Variants in SOX30 observed in about 807,000 individuals in gnomAD.
SOX30 encodes the protein SRY-box transcription factor 30, also known as transcription factor SOX-30.
Under a neutral mutation model 58.6 loss-of-function variants are expected in SOX30, and 17 were observed. The observed-to-expected ratio is 0.29, with a 90% CI of 0.20 to 0.44. The LOEUF (loss-of-function observed/expected upper bound fraction) is 0.44. Among genes scored for constraint, SOX30 ranks in the 20% least tolerant of loss-of-function variants. The pLI is 1.00. For missense variants in SOX30, 951 were observed against 965.8 expected (o/e 0.98, Z 0.20); for synonymous variants, 421 against 400.2 (o/e 1.05, Z -0.62).
At chr5:157,648,935 TAC>T (rs3217237) in intron 1 of SOX30, 39 bp from the exon 2 acceptor site, 733,788 of 1,455,226 alleles carry the variant, frequency 0.5, 173,559 homozygotes, top group Middle Eastern at 0.65. Context: ...TAATGTGCCA[TAC>T]ACACACACAC....
In SOX30 at chr5:157,648,676, C is replaced by T. The variant is rs1028994486; in HGVS notation, c.1188G>A (p.Lys396=). The T allele has an allele frequency of 1.9e-6, 3 of 1,613,118 alleles. No individual in the cohort carries two copies. Among genetic ancestry groups the T allele is most frequent in the African/African-American group, 1.3e-5 (1 of 74,772 alleles). The change falls in exon 2 of 5, where the codon AAG becomes AAA. Residue 396 remains lysine, a synonymous_variant. Transcript: ENST00000265007. ...YYDEAQKIKE[K]HREEFPGWVY... ...GATTACCAGGAAATTCCTCTCTGTGCTTTTCCTTAATCTTTTGTGCTTCAT... is the reference window on the plus strand; with the variant it reads ...GATTACCAGGAAATTCCTCTCTGTGTTTTTCCTTAATCTTTTGTGCTTCAT...
upstream of SOX30, among the ~76,000 whole-genome samples, chr5:157,656,330 T>TA (rs1252274844): frequency 5.9e-5 from 9 of 152,234 alleles, no homozygotes; most frequent in Admixed American, 5.9e-4. Flanking sequence ...AGATTATTGG[T>TA]AAAATAAAAA....
chr5:157,664,571 C>T (rs1759635583), intron 2 of SOX30, among the ~76,000 whole-genome samples: 1 of 152,208 alleles, frequency 6.6e-6, no homozygotes, highest in African/African-American at 2.4e-5. Flanking sequence ...ACACCAAAAG[C>T]AATGGCAACA....
At position 157,669,956 on chromosome 5, in the gene SOX30, C is replaced by T. The variant is rs75883051; in HGVS notation, c.-4+1374G>A. ...CCTAGACTCAAATGCATCAGGCTCA[C>T]CCCAGGAAGGGCAGCTAGGGCTGCC... On this transcript the variant is annotated intron_variant, in intron 1 of 5. Transcript: ENST00000519442. Among the ~76,000 whole-genome samples the T allele has an allele frequency of 8.2e-3, 1,243 of 152,220 alleles. 13 individuals are homozygous for T. Among genetic ancestry groups the T allele is most frequent in the African/African-American group, 0.027 (1,133 of 41,500 alleles).
intron 4 of SOX30, among the ~76,000 whole-genome samples, chr5:157,630,285 TG>T (rs977913817): frequency 2.0e-5 from 3 of 152,214 alleles, no homozygotes; most frequent in African/African-American, 7.2e-5. Flanking sequence ...TTAAGTCCAA[TG>T]TCTCAGCTTC....
chr5:157,639,608 T>C (rs1479044845), intron 3 of SOX30, among the ~76,000 whole-genome samples: 3 of 152,232 alleles, frequency 2.0e-5, no homozygotes, highest in Admixed American at 2.0e-4. Context: ...TTTAGCTTTC[T>C]GTTCTGAAGA....
chr5:157,647,952 T>G (rs1759235218), intron 2 of SOX30, among the ~76,000 whole-genome samples: 1 of 152,142 alleles, frequency 6.6e-6, no homozygotes, highest in East Asian at 1.9e-4. Context: ...TCTTCCAAAG[T>G]CAGAACAGTG....
chr5:157,635,998 G>C (rs1758917258), intron 4 of SOX30, among the ~76,000 whole-genome samples: 1 of 152,158 alleles, frequency 6.6e-6, no homozygotes, highest in South Asian at 2.1e-4. Flanking sequence ...GTACAACCTT[G>C]ATGAGGCTAT....
At chr5:157,653,034 T>C (rs72813204), upstream of SOX30, among the ~76,000 whole-genome samples, 2 of 152,320 alleles carry the variant, frequency 1.3e-5, no homozygotes, top group East Asian at 1.9e-4. Flanking sequence ...TACTATTAGA[T>C]TGGTGCAAAA....
chr5:157,667,666 G>A, intron 2 of SOX30: 1 of 1,254,436 alleles, frequency 8.0e-7, no homozygotes, highest in Non-Finnish European at 1.1e-6. Context: ...TTGAACCCAG[G>A]TCGCAGAGGC....
rs1439291382 is a variant in SOX30, at chr5:157,638,377, G to A, written c.1733C>T (p.Ala578Val). The A allele has an allele frequency of 1.2e-6, 2 of 1,613,718 alleles. No homozygotes were observed. Among genetic ancestry groups the A allele is most frequent in the Non-Finnish European group, 1.7e-6 (2 of 1,179,870 alleles). Residue 578 changes from alanine (A) to valine (V), a missense_variant, in exon 4 of 5, where the codon GCT becomes GTT. Transcript: ENST00000265007. The stretch of plus-strand genomic sequence containing the variant: ...AATGGGAGAAGCCTGGGGGATTGGA[G>A]CACTTCTGGGACAAGGGGAAACGCT... ...YSSVSPCPRSAPIPQASPIPH... is the reference protein window; with the variant it reads ...YSSVSPCPRSVPIPQASPIPH...
intron 4 of SOX30, among the ~76,000 whole-genome samples, chr5:157,634,768 C>T (rs1483608260): frequency 1.3e-5 from 2 of 151,858 alleles, no homozygotes; most frequent in Non-Finnish European, 1.5e-5. Context: ...CTGCCTCAAG[C>T]TCCCGAATAG....
rs750727674 is a variant in SOX30, at chr5:157,638,479, T to C, written c.1631A>G (p.Asn544Ser). 18 of 1,614,182 alleles carry C rather than the reference T, an allele frequency of 1.1e-5. No homozygotes were observed. The highest frequency in any genetic ancestry group is 2.7e-5 in the African/African-American group (2 of 75,066). ...AGTACTTGCACTACTTGAAATCCTG[T>C]TGGCGCTCTCTAGAGAGACAGGAGT... ...QPTPVSLESA[N>S]RISSSASTAH... is the part of the protein sequence containing the mutation. Residue 544 changes from asparagine to serine, a missense_variant, in exon 4 of 5, where the codon AAC becomes AGC. Physicochemically the swap from Asn to Ser is conservative, Grantham distance 46. This residue lies in a region of SOX30 where 381 missense variants were observed against 390.0 expected (regional missense o/e 0.98). Coordinates refer to ENST00000265007, the MANE Select transcript of SOX30 (RefSeq NM_178424.2).
At chr5:157,668,208 G>A (rs925452675) in intron 1 of SOX30, among the ~76,000 whole-genome samples, 4 of 152,210 alleles carry the variant, frequency 2.6e-5, no homozygotes, top group Non-Finnish European at 4.4e-5. Context: ...TCCTACGGCT[G>A]TAGCTGTTGA....
At chr5:157,660,649 C>T (rs193076773) in intron 2 of SOX30, among the ~76,000 whole-genome samples, 1,820 of 151,866 alleles carry the variant, frequency 0.012, 21 homozygotes, top group South Asian at 0.052. Flanking sequence ...CATGAGTCAC[C>T]GTGCCAAGCT....
Position 157,652,232 on chromosome 5 carries a change from A to G in SOX30, c.-154T>C. The G allele has an allele frequency of 7.9e-7, 1 of 1,273,484 alleles. No individual in the cohort carries two copies. Among genetic ancestry groups the G allele is most frequent in the Middle Eastern group, 2.9e-4 (1 of 3,390 alleles). 78.9% of individuals were successfully genotyped at this position (1,273,484 alleles called of 1,614,324 possible). On this transcript the variant is annotated 5_prime_UTR_variant, in exon 1 of 5. Coordinates refer to ENST00000265007, the MANE Select transcript of SOX30 (RefSeq NM_178424.2). Reference sequence around the variant, plus strand: ...CTGTCTGTCTGGGCCTCACCCAATCACAACGACCGATACCCGTGGACGGCC... The same window carrying G: ...CTGTCTGTCTGGGCCTCACCCAATCGCAACGACCGATACCCGTGGACGGCC...
rs56702110 is a variant in SOX30, at chr5:157,648,951, CAA to C, written c.968-57_968-56del. ...AATGTGCCATACACACACACACACA[CAA>C]TTTTAAGGTAAAGTGCACCTCCGTC... is the stretch of plus-strand genomic sequence containing the variant. On this transcript the variant is annotated intron_variant, in intron 1 of 4. Coordinates refer to ENST00000265007, the MANE Select transcript of SOX30 (RefSeq NM_178424.2). 20,990 of 1,310,046 alleles carry C rather than the reference CAA, an allele frequency of 0.016. 2,369 individuals carry two copies. The African/African-American group carries it at 0.29, about 18-fold the overall frequency. 81.2% of individuals were successfully genotyped at this position (1,310,046 alleles called of 1,614,324 possible).
In SOX30 at chr5:157,658,856, G is replaced by C. The variant is rs560088442; in HGVS notation, c.52+8942C>G. Among the ~76,000 whole-genome samples the C allele has an allele frequency of 9.9e-5, 15 of 152,282 alleles. No homozygotes were observed. The South Asian group carries it at 1.2e-3, about 13-fold the overall frequency. Reference sequence around the variant, plus strand: ...TTCCCAGACAGTTAAGGCATTCTAAGTCACAGGATGAGATAGGAGGCTGGC... The same window carrying C: ...TTCCCAGACAGTTAAGGCATTCTAACTCACAGGATGAGATAGGAGGCTGGC... On this transcript the variant is annotated intron_variant, in intron 2 of 5. Transcript: ENST00000519442.
chr5:157,668,832 C>A (rs966359028), intron 1 of SOX30, among the ~76,000 whole-genome samples: 2 of 151,948 alleles, frequency 1.3e-5, no homozygotes, highest in African/African-American at 4.8e-5. Context: ...CCTATTTCAT[C>A]GATGGGTGAC....
Sources: allele counts gnomAD v4.1 joint callset (sites outside exome capture counted in the v4.1 genomes callset), GRCh38; gene constraint gnomAD v4.1.1; regional missense constraint gnomAD v4.1.1; transcripts MANE v1.5; gene names NCBI Gene and HGNC (gene_info 2026-07-23, HGNC 2026-07-21).